Variants in MAGI2 observed in about 807,000 individuals in gnomAD.
MAGI2 encodes membrane associated guanylate kinase, WW and PDZ domain containing 2.
A neutral mutation model predicts 133.3 loss-of-function variants in MAGI2; 35 were observed. The ratio of observed to expected loss-of-function variants is 0.26; its 90% CI spans 0.20 to 0.35. The LOEUF is 0.35. Among genes scored for constraint, MAGI2 ranks in the 10% least tolerant of loss-of-function variants. The pLI, the probability that MAGI2 is intolerant of heterozygous loss-of-function variation, is 1.00. For missense variants in MAGI2, 1,636 were observed against 1,863.4 expected, an observed-to-expected ratio of 0.88 and a Z score of 2.25; for synonymous variants, 729 against 710.6, an observed-to-expected ratio of 1.03 and a Z score of -0.41.
chr7:79,318,337 AGTGGGTT>A (rs1164285284), intron 1 of MAGI2, among the ~76,000 whole-genome samples: 1 of 152,224 alleles, frequency 6.6e-6, no homozygotes, highest in East Asian at 1.9e-4. Context: ...GTGCTGGCCA[AGTGGGTT>A]ATAATTTATT....
chr7:78,536,101 A>C, intron 3 of MAGI2, among the ~76,000 whole-genome samples: 1 of 116,704 alleles, frequency 8.6e-6, no homozygotes, highest in African/African-American at 3.6e-5. Flanking sequence ...GTATGAATTA[A>C]ACTTTTTTTT....
rs553192362 is a variant in MAGI2 at position 78,866,729 on chromosome 7, G to A, written c.418+140361C>T. Among the ~76,000 whole-genome samples, 14 of 152,138 alleles carry A rather than the reference G, an allele frequency of 9.2e-5. No individual in the cohort carries two copies. The East Asian group carries it at 2.1e-3, about 23-fold the overall frequency. ...AGATAGTATAAATTTACAGGAACCA[G>A]ATCTCCTGCTAAAGATAGTTGAGGA... On this transcript the variant is annotated intron_variant, in intron 2 of 21. Coordinates refer to ENST00000354212, the MANE Select transcript of MAGI2 (RefSeq NM_012301.4).
intron 2 of MAGI2, among the ~76,000 whole-genome samples, chr7:78,753,713 C>G (rs1373172240): frequency 6.8e-6 from 1 of 147,816 alleles, no homozygotes; most frequent in Non-Finnish European, 1.5e-5. Context: ...CTTCACTTAA[C>G]TAGCAAAAAA....
At chr7:78,656,678 G>C (rs1177463977) in intron 2 of MAGI2, among the ~76,000 whole-genome samples, 1 of 152,038 alleles carries the variant, frequency 6.6e-6, no homozygotes, top group Admixed American at 6.5e-5. Flanking sequence ...AAGTAAGCAA[G>C]GAGATGAACA....
intron 2 of MAGI2, among the ~76,000 whole-genome samples, chr7:78,945,194 T>G (rs916048491): frequency 3.9e-5 from 6 of 151,928 alleles, no homozygotes; most frequent in Admixed American, 1.3e-4. Flanking sequence ...CCCAAGTAGC[T>G]GGGAGCATAG....
chr7:78,213,439 A>G (rs925328414), intron 10 of MAGI2, among the ~76,000 whole-genome samples: 1 of 152,214 alleles, frequency 6.6e-6, no homozygotes, highest in Non-Finnish European at 1.5e-5. Context: ...ATTTATCAAA[A>G]GAGAGACATG....
chr7:79,368,881 A>G lies in MAGI2; in HGVS notation c.301+84139T>C, dbSNP rs796667951. Among the ~76,000 whole-genome samples, 8 of 144,636 alleles carry G rather than the reference A, an allele frequency of 5.5e-5. No homozygotes were observed. In the East Asian group the frequency reaches 1.0e-3, roughly 19 times the overall value. The allele number at this position is 144,636 out of a possible 152,430, so 94.9% of individuals were successfully genotyped here. A position where few individuals can be genotyped will look rare whatever the true frequency, so the allele number is the denominator to read the frequency against. ...AAAAAAAAAAAAAAAAAAAAAGTCT[A>G]TTGTAAAATCTATTAGTCACCTAAG... is the stretch of plus-strand genomic sequence containing the variant. On this transcript the variant is annotated intron_variant, in intron 1 of 21. Transcript: ENST00000354212.
chr7:79,078,960 A>G (rs2129541745), intron 1 of MAGI2, among the ~76,000 whole-genome samples: 1 of 152,298 alleles, frequency 6.6e-6, no homozygotes, highest in East Asian at 1.9e-4. Context: ...AAATACTTCC[A>G]TTCTTTACTC....
At chr7:78,681,302 C>A (rs888668364) in intron 2 of MAGI2, among the ~76,000 whole-genome samples, 7 of 152,082 alleles carry the variant, frequency 4.6e-5, no homozygotes, top group Non-Finnish European at 8.8e-5. Flanking sequence ...AAAGTCAATA[C>A]TTTTCTTTGG....
At chr7:78,190,515 T>C (rs1006983996) in intron 12 of MAGI2, among the ~76,000 whole-genome samples, 1 of 152,132 alleles carries the variant, frequency 6.6e-6, no homozygotes, top group African/African-American at 2.4e-5. Context: ...AAGTGAACTA[T>C]TGATAATCAC....
intron 1 of MAGI2, among the ~76,000 whole-genome samples, chr7:79,255,134 C>G (rs1031818589): frequency 5.3e-5 from 8 of 152,076 alleles, no homozygotes; most frequent in African/African-American, 1.9e-4. Context: ...ACTTGTGATA[C>G]TTTCATTATT....
At chr7:78,648,947 C>G (rs1260007398) in intron 2 of MAGI2, among the ~76,000 whole-genome samples, 5 of 151,934 alleles carry the variant, frequency 3.3e-5, no homozygotes, top group Non-Finnish European at 7.4e-5. Flanking sequence ...AATTTTCACC[C>G]TGGGTGACCA....
At chr7:78,145,322 T>G (rs1823188561) in intron 16 of MAGI2, among the ~76,000 whole-genome samples, 1 of 152,200 alleles carries the variant, frequency 6.6e-6, no homozygotes, top group African/African-American at 2.4e-5. Context: ...TGTTAAGATT[T>G]TTCCCTGTAC....
At chr7:78,867,084 T>C (rs2151512928) in intron 2 of MAGI2, among the ~76,000 whole-genome samples, 1 of 150,070 alleles carries the variant, frequency 6.7e-6, no homozygotes, top group Non-Finnish European at 1.5e-5. Flanking sequence ...ACTTTTACAC[T>C]GTTGGTGGGA....
chr7:78,726,649 A>G (rs1355398929), intron 2 of MAGI2, among the ~76,000 whole-genome samples: 3 of 152,302 alleles, frequency 2.0e-5, no homozygotes, highest in South Asian at 2.1e-4. Flanking sequence ...CAACATTAAT[A>G]TAACAGAGAA....
intron 10 of MAGI2, among the ~76,000 whole-genome samples, chr7:78,240,001 T>C (rs1790963890): frequency 6.6e-6 from 1 of 151,970 alleles, no homozygotes; most frequent in Non-Finnish European, 1.5e-5. Context: ...TTTTTTTTAA[T>C]ACTTTAAGTT....
chr7:78,795,878 C>A (rs1473847281), intron 2 of MAGI2, among the ~76,000 whole-genome samples: 1 of 152,024 alleles, frequency 6.6e-6, no homozygotes, highest in Admixed American at 6.6e-5. Flanking sequence ...CAAGAACATA[C>A]AATAGGAAAA....
At chr7:79,159,359 CA>C (rs1019761963) in intron 1 of MAGI2, among the ~76,000 whole-genome samples, 3 of 150,820 alleles carry the variant, frequency 2.0e-5, no homozygotes, top group Non-Finnish European at 3.0e-5. Flanking sequence ...ACTAAAAATA[CA>C]AAAAAAATTA....
chr7:79,372,840 A>C (rs1304863738), intron 1 of MAGI2, among the ~76,000 whole-genome samples: 2 of 152,080 alleles, frequency 1.3e-5, no homozygotes, highest in Non-Finnish European at 2.9e-5. Context: ...CTATGAGCAG[A>C]TTCACTGAAG....
Sources: allele counts gnomAD v4.1 joint callset (sites outside exome capture counted in the v4.1 genomes callset), GRCh38; gene constraint gnomAD v4.1.1; transcripts MANE v1.5; gene names NCBI Gene and HGNC (gene_info 2026-07-23, HGNC 2026-07-21).